NEK11: variants seen among roughly 807,000 people sequenced by gnomAD.
NEK11 encodes the protein serine/threonine-protein kinase Nek11.
Under a neutral mutation model 80.7 loss-of-function variants are expected in NEK11, and 72 were observed. The ratio of observed to expected loss-of-function variants is 0.89; its 90% CI spans 0.74 to 1.08. The LOEUF (loss-of-function observed/expected upper bound fraction) is 1.08, where lower values mean the gene tolerates loss of function less well. Among genes scored for constraint, NEK11 ranks in the 50% least tolerant of loss-of-function variants. The pLI is 0.00. For synonymous variants in NEK11, 251 were observed against 260.7 expected (o/e 0.96, Z 0.36); for missense variants, 764 against 763.6 (o/e 1.00, Z -0.01).
intron 4 of NEK11, among the ~76,000 whole-genome samples, chr3:131,096,028 T>C (rs1003419999): frequency 1.3e-5 from 2 of 152,176 alleles, no homozygotes; most frequent in Non-Finnish European, 2.9e-5. Context: ...AAAAGACTTA[T>C]AAAGACCACA....
chr3:131,163,587 G>A (rs1345585553), intron 11 of NEK11, among the ~76,000 whole-genome samples: 1 of 152,038 alleles, frequency 6.6e-6, no homozygotes. Context: ...AGGGGCAGGG[G>A]GGCATGAATG....
chr3:131,191,897 G>A (rs76545180), intron 14 of NEK11, among the ~76,000 whole-genome samples: 1 of 152,056 alleles, frequency 6.6e-6, no homozygotes. Flanking sequence ...GTAATTTATT[G>A]ATATGACACC....
chr3:131,345,330 C>G (rs1433272060), intron 17 of NEK11, among the ~76,000 whole-genome samples: 1 of 152,140 alleles, frequency 6.6e-6, no homozygotes, highest in Non-Finnish European at 1.5e-5. Context: ...TATAAAAACT[C>G]TTACAACTTA....
At chr3:131,039,864 G>A (rs1207972249) in intron 3 of NEK11, among the ~76,000 whole-genome samples, 1 of 152,132 alleles carries the variant, frequency 6.6e-6, no homozygotes, top group Non-Finnish European at 1.5e-5. Context: ...TGAGTGATGT[G>A]CATGACTTAC....
chr3:131,247,599 G>A (rs528540049), intron 16 of NEK11, among the ~76,000 whole-genome samples: 2 of 151,904 alleles, frequency 1.3e-5, no homozygotes, highest in Non-Finnish European at 2.9e-5. Context: ...CTTGCTTTGG[G>A]TATGCAGGCT....
chr3:131,321,089 C>T (rs1364539333), intron 17 of NEK11, among the ~76,000 whole-genome samples: 12 of 152,070 alleles, frequency 7.9e-5, no homozygotes, highest in South Asian at 2.1e-4. Flanking sequence ...TCACATTACC[C>T]GGCTTCAAAC....
At chr3:131,273,753 G>T (rs543525621) in intron 17 of NEK11, among the ~76,000 whole-genome samples, 179 bp downstream of exon 17, 3 of 152,266 alleles carry the variant, frequency 2.0e-5, no homozygotes, top group Non-Finnish European at 4.4e-5. Flanking sequence ...TATTGGTGCT[G>T]GTCGAATAAT....
chr3:131,085,572 A>G (rs574364297), intron 4 of NEK11, among the ~76,000 whole-genome samples: 1 of 152,248 alleles, frequency 6.6e-6, no homozygotes, highest in East Asian at 1.9e-4. Context: ...AGGGGCTAGC[A>G]TTCTATTTGA....
At chr3:131,284,815 G>A (rs992659110) in intron 17 of NEK11, among the ~76,000 whole-genome samples, 3 of 152,150 alleles carry the variant, frequency 2.0e-5, no homozygotes, top group Admixed American at 1.3e-4. Flanking sequence ...CAAGTGGTTT[G>A]CCAGGGGCTC....
intron 12 of NEK11, among the ~76,000 whole-genome samples, chr3:131,166,305 C>T (rs117736953): frequency 0.013 from 2,035 of 152,304 alleles, 27 homozygotes; most frequent in East Asian, 0.078. Flanking sequence ...TAGCAGGAAG[C>T]ACCAAGCTCC....
chr3:131,081,330 C>CT lies in NEK11; in HGVS notation c.336+748dup, dbSNP rs373707409. On this transcript the variant is annotated intron_variant, in intron 4 of 17. Coordinates refer to ENST00000383366, the MANE Select transcript of NEK11 (RefSeq NM_024800.5). ...TGGAAGTTTGGAAATGGAAATATGG[C>CT]TTTTTTCCCCACAAGAATTCCTCAT... is the stretch of plus-strand genomic sequence containing the variant. Among the ~76,000 whole-genome samples the CT allele has an allele frequency of 1.4e-4, 21 of 152,204 alleles. 1 individual carries two copies. The highest frequency in any genetic ancestry group is 5.1e-4 in the African/African-American group (21 of 41,506).
At chr3:131,247,737 A>G (rs575976327) in intron 16 of NEK11, among the ~76,000 whole-genome samples, 89 of 151,650 alleles carry the variant, frequency 5.9e-4, no homozygotes, top group Admixed American at 1.7e-3. Context: ...TGAGCGTGGG[A>G]TGTGTTTCCA....
intron 14 of NEK11, among the ~76,000 whole-genome samples, chr3:131,221,579 T>C (rs1400083488): frequency 2.6e-5 from 4 of 152,220 alleles, no homozygotes; most frequent in African/African-American, 9.6e-5. Flanking sequence ...GGCTGAGATC[T>C]TCTAAATGTC....
intron 7 of NEK11, among the ~76,000 whole-genome samples, chr3:131,138,833 G>A (rs899799806): frequency 3.3e-5 from 5 of 152,124 alleles, no homozygotes; most frequent in Non-Finnish European, 7.3e-5. Context: ...GCTTGGGGTG[G>A]CCCCAATGCA....
intron 5 of NEK11, among the ~76,000 whole-genome samples, chr3:131,110,848 C>T (rs2080011896): frequency 6.6e-6 from 1 of 152,174 alleles, no homozygotes; most frequent in South Asian, 2.1e-4. Flanking sequence ...TCTTCTAAAA[C>T]ACATGCTTGT....
At chr3:131,129,885 T>C (rs1056795788) in intron 5 of NEK11, among the ~76,000 whole-genome samples, 2 of 152,194 alleles carry the variant, frequency 1.3e-5, no homozygotes, top group African/African-American at 4.8e-5. Context: ...TCCAACATTG[T>C]TGTTCTCCTT....
At chr3:131,080,375 A>C in intron 3 of NEK11, 48 bp from the exon 4 acceptor site, 1 of 1,385,208 alleles carries the variant, frequency 7.2e-7, no homozygotes, top group Non-Finnish European at 1.0e-6. Context: ...ATATTTGTTA[A>C]ATGTGTTTTT....
intron 14 of NEK11, among the ~76,000 whole-genome samples, chr3:131,187,154 A>T (rs897798188): frequency 3.9e-5 from 6 of 152,148 alleles, no homozygotes; most frequent in South Asian, 2.1e-4. Context: ...CACTAGCCAC[A>T]TGTGGTTACT....
At chr3:131,043,688 C>T (rs1171253587) in intron 3 of NEK11, among the ~76,000 whole-genome samples, 1 of 152,216 alleles carries the variant, frequency 6.6e-6, no homozygotes, top group Non-Finnish European at 1.5e-5. Context: ...GGAAAACACT[C>T]ATCAGGATAT....
Sources: allele counts gnomAD v4.1 joint callset (sites outside exome capture counted in the v4.1 genomes callset), GRCh38; gene constraint gnomAD v4.1.1; transcripts MANE v1.5; gene names NCBI Gene and HGNC (gene_info 2026-07-23, HGNC 2026-07-21).